Variants in TRPC6 observed in about 807,000 individuals in gnomAD.
TRPC6 encodes transient receptor potential cation channel subfamily C member 6.
A neutral mutation model predicts 90.7 loss-of-function variants in TRPC6; 55 were observed. The ratio of observed to expected loss-of-function variants is 0.61; its 90% confidence interval spans 0.49 to 0.76. The LOEUF is 0.76. TRPC6 is among the 30% of genes least tolerant of loss of function. The probability of loss-of-function intolerance (pLI) is 0.00; values close to 1 mark genes in which losing one functional copy is unlikely to be tolerated. For missense variants in TRPC6, 989 were observed against 1,122.7 expected, an observed-to-expected ratio of 0.88 and a Z score of 1.70; for synonymous variants, 393 against 393.0, an observed-to-expected ratio of 1.00 and a Z score of 0.00.
At position 101,557,846 on chromosome 11, in the gene TRPC6, G is replaced by C. The variant is rs866245844; in HGVS notation, c.170+25488C>G. 2.0e-5 allele frequency among the ~76,000 whole-genome samples: 3 copies of C among 152,140 alleles called. No individual in the cohort carries two copies. The Middle Eastern group carries it at 0.01, about 517-fold the overall frequency. The stretch of plus-strand genomic sequence containing the variant: ...TCTTCTACAAGGAAAACTATAAAAT[G>C]TTGATAAAACAAATTGAGGAAGATA... On this transcript the variant is annotated intron_variant, in intron 1 of 12. Coordinates refer to ENST00000344327, the MANE Select transcript of TRPC6 (RefSeq NM_004621.6).
At chr11:101,476,265 G>C (rs754947190) in intron 6 of TRPC6, 36 bp downstream of exon 6, 1 of 1,571,642 alleles carries the variant, frequency 6.4e-7, no homozygotes, top group Admixed American at 1.7e-5. Flanking sequence ...AGAAAATTCT[G>C]CATTTTTATT....
chr11:101,456,904 A>G (rs1206883591), intron 10 of TRPC6, among the ~76,000 whole-genome samples: 3 of 152,222 alleles, frequency 2.0e-5, no homozygotes, highest in Admixed American at 6.5e-5. Context: ...TTTCTAATAC[A>G]TCATAGAAAT....
At position 101,472,152 on chromosome 11, in the gene TRPC6, T is replaced by A. The variant is rs200080118; in HGVS notation, c.2190A>T (p.Ser730=). The change falls in exon 8 of 13, where the codon TCA becomes TCT. Residue 730 remains serine, a synonymous_variant. Coordinates refer to ENST00000344327, the MANE Select transcript of TRPC6 (RefSeq NM_004621.6). Reference sequence around the variant, plus strand: ...GAGATTATACCTCAATTTCCTGGAATGAACTGTTGATCATGGCAATTAACA... The same window carrying A: ...GAGATTATACCTCAATTTCCTGGAAAGAACTGTTGATCATGGCAATTAACA... ...LNMLIAMINS[S]FQEIEDDADV... The A allele has an allele frequency of 1.2e-6, 2 of 1,611,432 alleles. No individual in the cohort carries two copies. Among genetic ancestry groups the A allele is most frequent in the Admixed American group, 3.3e-5 (2 of 60,014 alleles).
At chr11:101,562,621 T>C (rs1385822870) in intron 1 of TRPC6, among the ~76,000 whole-genome samples, 2 of 152,214 alleles carry the variant, frequency 1.3e-5, no homozygotes, top group African/African-American at 2.4e-5. Flanking sequence ...CTTACTCATA[T>C]GTAGGTAGCT....
At position 101,583,436 on chromosome 11, in the gene TRPC6, G is replaced by A. The variant is rs1217863476; in HGVS notation, c.68C>T (p.Ala23Val). The change falls in exon 1 of 13, where the codon GCG becomes GTG. Residue 23 changes from alanine (A) to valine (V), a missense_variant. By Grantham distance (64) the Ala-to-Val change is moderately conservative (BLOSUM62 0). This residue lies in a region of TRPC6 where 194 missense variants were observed against 136.5 expected (regional missense o/e 1.42). Coordinates refer to ENST00000344327, the MANE Select transcript of TRPC6 (RefSeq NM_004621.6). Reference sequence around the variant, plus strand: ...ATAGTCCTGGCTCTCGTTGCGCCGCGCAGCGGCTCCGGCAGCGCCCCGGGG... The same window carrying A: ...ATAGTCCTGGCTCTCGTTGCGCCGCACAGCGGCTCCGGCAGCGCCCCGGGG... ...SSPRGAAGAA[A>V]RRNESQDYLL... 4 of 1,551,170 alleles carry A rather than the reference G, an allele frequency of 2.6e-6. No homozygotes were observed. The African/African-American group carries it at 4.1e-5, about 16-fold the overall frequency.
chr11:101,524,573 A>G (rs1860734999), intron 1 of TRPC6, among the ~76,000 whole-genome samples: 1 of 152,236 alleles, frequency 6.6e-6, no homozygotes, highest in South Asian at 2.1e-4. Context: ...ATTTAAATGT[A>G]TTTAAATCAC....
intron 1 of TRPC6, among the ~76,000 whole-genome samples, chr11:101,531,798 C>T (rs1408925203): frequency 6.6e-6 from 1 of 152,170 alleles, no homozygotes; most frequent in Non-Finnish European, 1.5e-5. Flanking sequence ...TCTTCTATAA[C>T]CAATCGAGTT....
chr11:101,583,367 G>A lies in TRPC6; in HGVS notation c.137C>T (p.Ala46Val), dbSNP rs138588871. The A allele has an allele frequency of 6.9e-6, 11 of 1,594,400 alleles. No individual in the cohort carries two copies. In the African/African-American group the frequency reaches 1.5e-4, roughly 21 times the overall value. ...GTAGTAGCCGTAGCAAGGCAGCGGG[G>A]CTTGCGGGCAGCCGTCTTCTCCCAG... ...SELGEDGCPQ[A>V]PLPCYGYYPC... The change falls in exon 1 of 13, where the codon GCC becomes GTC. Residue 46 changes from alanine (A) to valine (V), a missense_variant. Ala to Val is a moderately conservative substitution (Grantham distance 64). Around this residue, in one of 4 missense-constraint regions of TRPC6, gnomAD observed 194 missense variants for 136.5 expected, o/e 1.42. Transcript: ENST00000344327.
chr11:101,515,864 ATATAT>A (rs1331487240), intron 1 of TRPC6, among the ~76,000 whole-genome samples: 3 of 152,150 alleles, frequency 2.0e-5, no homozygotes, highest in Non-Finnish European at 4.4e-5. Flanking sequence ...GTAGGTACAC[ATATAT>A]TAAATTAATT....
At position 101,558,454 on chromosome 11, in the gene TRPC6, CACACAT is replaced by C. The variant is rs1485857547; in HGVS notation, c.170+24874_170+24879del. On this transcript the variant is annotated intron_variant, in intron 1 of 12. Transcript: ENST00000344327. ...ACATATATACATATATATACACACG[CACACAT>C]ACACACACACACACACACACACACA... Among the ~76,000 whole-genome samples the C allele has an allele frequency of 3.1e-3, 47 of 15,120 alleles. 2 individuals are homozygous for C. The highest frequency in any genetic ancestry group is 0.056 in the Middle Eastern group (1 of 18). 9.9% of individuals were successfully genotyped at this position (15,120 alleles called of 152,430 possible). A position where few individuals can be genotyped will look rare whatever the true frequency, so the allele number is the denominator to read the frequency against.
At chr11:101,484,282 A>C (rs1435113020) in intron 4 of TRPC6, among the ~76,000 whole-genome samples, 2 of 152,174 alleles carry the variant, frequency 1.3e-5, no homozygotes, top group Non-Finnish European at 2.9e-5. Flanking sequence ...GTAGAGCTGG[A>C]ACTTGAACCC....
At chr11:101,471,037 C>A (rs528691379) in intron 9 of TRPC6, 146 bp downstream of exon 9, 23 of 751,332 alleles carry the variant, frequency 3.1e-5, no homozygotes, top group African/African-American at 2.8e-4. Flanking sequence ...AGACACAAGC[C>A]AAAGGACTGT....
At chr11:101,483,300 C>T (rs1024753841) in intron 4 of TRPC6, 135 bp from the exon 5 acceptor site, 32 of 1,108,556 alleles carry the variant, frequency 2.9e-5, no homozygotes, top group Middle Eastern at 1.9e-4. Flanking sequence ...TTATGTAATT[C>T]GTGATAGAGT....
intron 1 of TRPC6, among the ~76,000 whole-genome samples, chr11:101,534,342 G>C (rs2136804805): frequency 6.6e-6 from 1 of 152,142 alleles, no homozygotes; most frequent in Non-Finnish European, 1.5e-5. Context: ...CACCATGTTG[G>C]CCAGGCTGGT....
chr11:101,583,627 G>C lies in TRPC6; in HGVS notation c.-124C>G, dbSNP rs1862256153. Reference sequence around the variant, plus strand: ...CTGGACCTGGGCAGACCGGTGCCCAGGGGACGACGGTGAAGCAGGGGGTGC... The same window carrying C: ...CTGGACCTGGGCAGACCGGTGCCCACGGGACGACGGTGAAGCAGGGGGTGC... On this transcript the variant is annotated 5_prime_UTR_variant, in exon 1 of 13. Transcript: ENST00000344327. 1.8e-6 allele frequency: 2 copies of C among 1,113,580 alleles called. No individual in the cohort carries two copies. The highest frequency in any genetic ancestry group is 1.2e-6 in the Non-Finnish European group (1 of 839,270). The allele number at this position is 1,113,580 out of a possible 1,614,324, so 69.0% of individuals were successfully genotyped here.
At chr11:101,478,730 G>A (rs896623967) in intron 5 of TRPC6, among the ~76,000 whole-genome samples, 1 of 152,098 alleles carries the variant, frequency 6.6e-6, no homozygotes, top group Non-Finnish European at 1.5e-5. Flanking sequence ...TAGATCTTGC[G>A]ATAAGGTGCT....
chr11:101,542,293 G>A (rs1861191330), intron 1 of TRPC6, among the ~76,000 whole-genome samples: 1 of 152,198 alleles, frequency 6.6e-6, no homozygotes, highest in Non-Finnish European at 1.5e-5. Flanking sequence ...TAAATAGGGT[G>A]CTAATTAACT....
chr11:101,503,934 C>T, intron 2 of TRPC6, 90 bp downstream of exon 2: 1 of 1,513,776 alleles, frequency 6.6e-7, no homozygotes, highest in East Asian at 2.3e-5. Flanking sequence ...TCCACAGTAA[C>T]TAGCACAGTG....
intron 1 of TRPC6, 172 bp downstream of exon 1, chr11:101,583,162 C>A: frequency 1.0e-6 from 1 of 985,278 alleles, no homozygotes. Context: ...TCCCCGCGCG[C>A]CCCTCCACTC....
Sources: allele counts gnomAD v4.1 joint callset (sites outside exome capture counted in the v4.1 genomes callset), GRCh38; gene constraint gnomAD v4.1.1; regional missense constraint gnomAD v4.1.1; transcripts MANE v1.5; gene names NCBI Gene and HGNC (gene_info 2026-07-23, HGNC 2026-07-21).